Variants in NNT observed in about 807,000 individuals in gnomAD.
The protein encoded by NNT is nicotinamide nucleotide transhydrogenase, also known as NAD(P) transhydrogenase, mitochondrial.
Under a neutral mutation model 104.8 loss-of-function variants are expected in NNT, and 50 were observed. The ratio of observed to expected loss-of-function variants is 0.48; its 90% CI spans 0.38 to 0.60. The LOEUF (loss-of-function observed/expected upper bound fraction) is 0.60, where lower values mean the gene tolerates loss of function less well. Among genes scored for constraint, NNT ranks in the 20% least tolerant of loss-of-function variants. The probability of loss-of-function intolerance (pLI) is 0.00; values close to 1 mark genes in which losing one functional copy is unlikely to be tolerated. For synonymous variants in NNT, 461 were observed against 490.4 expected (o/e 0.94, Z 0.79); for missense variants, 1,131 against 1,330.7 (o/e 0.85, Z 2.33).
Position 43,618,217 on chromosome 5 carries a change from C to T in NNT, c.600-815C>T, listed in dbSNP as rs147061327. Among the ~76,000 whole-genome samples, 735 of 152,260 alleles carry T rather than the reference C, an allele frequency of 4.8e-3. 6 individuals are homozygous for T. The highest frequency in any genetic ancestry group is 0.016 in the African/African-American group (656 of 41,548). On this transcript the variant is annotated intron_variant, in intron 4 of 21. Coordinates refer to ENST00000344920, the MANE Select transcript of NNT (RefSeq NM_182977.3). Reference sequence around the variant, plus strand: ...CATTTTCTATGTGACAGGCTTTATGCGAAGTGTTTCACCTGCGTTATCTCA... The same window carrying T: ...CATTTTCTATGTGACAGGCTTTATGTGAAGTGTTTCACCTGCGTTATCTCA...
intron 4 of NNT, 109 bp downstream of exon 4, chr5:43,616,174 A>C: frequency 1.1e-6 from 1 of 923,338 alleles, no homozygotes; most frequent in South Asian, 1.7e-5. Flanking sequence ...ATTGTTGGAG[A>C]TTACAGCCTT....
rs16873420 is a variant in NNT, at chr5:43,631,581, T to G, written c.964+3194T>G. On this transcript the variant is annotated intron_variant, in intron 7 of 21. Transcript: ENST00000344920. ...TGGATAGGAAGCTAGTTTTATTTAG[T>G]CAACTCATACTCTAAAGAGCTAGGG... is the stretch of plus-strand genomic sequence containing the variant. Among the ~76,000 whole-genome samples, 1,224 of 152,294 alleles carry G rather than the reference T, an allele frequency of 8.0e-3. 13 individuals carry two copies. Among genetic ancestry groups the G allele is most frequent in the African/African-American group, 0.027 (1,139 of 41,552 alleles).
At chr5:43,678,546 T>G (rs183234026) in intron 19 of NNT, among the ~76,000 whole-genome samples, 1 of 152,322 alleles carries the variant, frequency 6.6e-6, no homozygotes, top group Admixed American at 6.5e-5. Flanking sequence ...TGGTTTGATT[T>G]GAGGAAAGAG....
intron 19 of NNT, among the ~76,000 whole-genome samples, chr5:43,687,347 C>A (rs1742040208): frequency 6.6e-6 from 1 of 152,050 alleles, no homozygotes; most frequent in Non-Finnish European, 1.5e-5. Context: ...AAGAGAAGAA[C>A]TAAAAGGTTG....
intron 14 of NNT, among the ~76,000 whole-genome samples, chr5:43,655,613 A>T (rs540269664): frequency 5.3e-5 from 8 of 152,310 alleles, no homozygotes; most frequent in Non-Finnish European, 8.8e-5. Flanking sequence ...AAAAAATTAA[A>T]ATCTGAAACA....
At chr5:43,628,173 C>T (rs771946402) in intron 6 of NNT, 27 bp from the exon 7 acceptor site, 5 of 1,499,524 alleles carry the variant, frequency 3.3e-6, no homozygotes, top group Non-Finnish European at 4.4e-6. Flanking sequence ...GAAATAACTA[C>T]TCTTTCCACT....
intron 7 of NNT, among the ~76,000 whole-genome samples, chr5:43,633,658 C>A (rs893027078): frequency 6.6e-6 from 1 of 152,174 alleles, no homozygotes; most frequent in East Asian, 1.9e-4. Context: ...TTTATGCCAG[C>A]GCTTGGCATA....
At chr5:43,649,062 A>G (rs1034668275) in intron 10 of NNT, 85 bp from the exon 11 acceptor site, 6 of 1,431,396 alleles carry the variant, frequency 4.2e-6, no homozygotes, top group Non-Finnish European at 5.8e-6. Context: ...AGCATTGGCT[A>G]TTCCACATAT....
chr5:43,606,051 A>G (rs748519826), intron 1 of NNT, among the ~76,000 whole-genome samples: 6 of 152,230 alleles, frequency 3.9e-5, no homozygotes, highest in African/African-American at 7.2e-5. Context: ...TGGCCTTTGA[A>G]ACCTGTGCTT....
chr5:43,662,341 G>GT (rs1740414507), intron 17 of NNT, among the ~76,000 whole-genome samples: 1 of 152,056 alleles, frequency 6.6e-6, no homozygotes, highest in Admixed American at 6.6e-5. Context: ...TCTTCTACGT[G>GT]TTCTGCAATT....
chr5:43,670,727 G>C (rs1741017492), intron 17 of NNT, among the ~76,000 whole-genome samples: 1 of 152,214 alleles, frequency 6.6e-6, no homozygotes, highest in Admixed American at 6.5e-5. Context: ...TGGAATAAGT[G>C]CAGTGTGGTG....
intron 7 of NNT, among the ~76,000 whole-genome samples, chr5:43,638,645 TG>T (rs1357897626): frequency 6.6e-6 from 1 of 151,202 alleles, no homozygotes; most frequent in Non-Finnish European, 1.5e-5. Flanking sequence ...CTCATGTTTT[TG>T]TTAAAGCAGA....
chr5:43,637,273 TCAG>T (rs1388166912), intron 7 of NNT, among the ~76,000 whole-genome samples: 1 of 152,186 alleles, frequency 6.6e-6, no homozygotes, highest in African/African-American at 2.4e-5. Flanking sequence ...GATTAGATGT[TCAG>T]CACTTTCTTG....
rs958688082 is a variant in NNT at position 43,631,532 on chromosome 5, C to T, written c.964+3145C>T. Among the ~76,000 whole-genome samples, 4 of 152,122 alleles carry T rather than the reference C, an allele frequency of 2.6e-5. No individual in the cohort carries two copies. The South Asian group carries it at 8.3e-4, about 32-fold the overall frequency. ...AAGTGGCCAGTAGAGGGTGCTAAAA[C>T]ATTTACTCATGGAGTAAGCCATGTG... On this transcript the variant is annotated intron_variant, in intron 7 of 21. Transcript: ENST00000344920.
chr5:43,635,857 C>G (rs953284520), intron 7 of NNT, among the ~76,000 whole-genome samples: 1 of 152,140 alleles, frequency 6.6e-6, no homozygotes, highest in Non-Finnish European at 1.5e-5. Flanking sequence ...TCTCTAAATA[C>G]AGCCATATTC....
chr5:43,604,687 T>C (rs1435769694), intron 1 of NNT, among the ~76,000 whole-genome samples: 1 of 152,168 alleles, frequency 6.6e-6, no homozygotes, highest in Non-Finnish European at 1.5e-5. Context: ...GCTGTTATTT[T>C]ATTTTTTCAA....
intron 17 of NNT, among the ~76,000 whole-genome samples, chr5:43,661,008 C>T (rs1042456252): frequency 6.6e-6 from 1 of 152,122 alleles, no homozygotes; most frequent in Non-Finnish European, 1.5e-5. Context: ...CTGAAAATCT[C>T]ATTGTAATTT....
At chr5:43,624,208 G>A (rs1028431384) in intron 6 of NNT, 88 bp downstream of exon 6, 12 of 1,100,648 alleles carry the variant, frequency 1.1e-5, no homozygotes, top group Non-Finnish European at 1.5e-5. Flanking sequence ...GTAAATTGAA[G>A]TAGCACATTG....
chr5:43,692,302 C>T (rs1561327752), intron 19 of NNT, among the ~76,000 whole-genome samples: 1 of 152,086 alleles, frequency 6.6e-6, no homozygotes, highest in African/African-American at 2.4e-5. Flanking sequence ...ACTTAACTCC[C>T]TAGACTGAAC....
Sources: gnomAD v4.1 joint callset for allele counts (sites outside exome capture counted in the v4.1 genomes callset) on GRCh38, gnomAD v4.1.1 for gene constraint, MANE v1.5 for transcripts, NCBI Gene and HGNC (gene_info 2026-07-23, HGNC 2026-07-21) for gene names.